The following RAB3C variants were observed in gnomAD, a reference collection of about 807,000 sequenced individuals.
The protein encoded by RAB3C is ras-related protein Rab-3C.
A neutral mutation model predicts 26.4 loss-of-function variants in RAB3C; 17 were observed. That is an observed-to-expected ratio of 0.64 (90% CI 0.44 to 0.97). The LOEUF (loss-of-function observed/expected upper bound fraction) is 0.97. RAB3C is among the 50% of genes least tolerant of loss of function. RAB3C has a pLI of 0.00. For missense variants in RAB3C, 242 were observed against 281.9 expected, an observed-to-expected ratio of 0.86 and a Z score of 1.01; for synonymous variants, 91 against 95.9, an observed-to-expected ratio of 0.95 and a Z score of 0.30.
In RAB3C at chr5:58,583,099, C is replaced by CTCCAACTTA. The variant is rs1182093453; in HGVS notation, c.-110_-109insTCCAACTTA. ...CAGTGCTGATGTTGGAGCCGGTTAG[C>CTCCAACTTA]GAACCCCAAGAGTGCAGAGTGTGGA... On this transcript the variant is annotated 5_prime_UTR_variant, in exon 1 of 5. Transcript: ENST00000282878. The CTCCAACTTA allele has an allele frequency of 1.3e-6, 2 of 1,573,876 alleles. No homozygotes were observed. The highest frequency in any genetic ancestry group is 3.8e-5 in the Admixed American group (2 of 53,084).
chr5:58,632,310 G>C (rs1353082660), intron 2 of RAB3C, among the ~76,000 whole-genome samples: 1 of 152,216 alleles, frequency 6.6e-6, no homozygotes, highest in Non-Finnish European at 1.5e-5. Context: ...TCAAAGTGTG[G>C]TCCCAGAGTC....
chr5:58,743,727 T>C (rs1741331228), intron 3 of RAB3C, among the ~76,000 whole-genome samples: 2 of 152,154 alleles, frequency 1.3e-5, no homozygotes, highest in African/African-American at 2.4e-5. Flanking sequence ...TCCATGTCCC[T>C]GCAAAGGACA....
intron 3 of RAB3C, among the ~76,000 whole-genome samples, chr5:58,745,697 G>A (rs980908517): frequency 1.3e-5 from 2 of 152,140 alleles, no homozygotes; most frequent in Admixed American, 6.6e-5. Context: ...CTGATCTCCT[G>A]GCCAGGATCA....
intron 3 of RAB3C, among the ~76,000 whole-genome samples, chr5:58,758,253 T>C (rs2111972536): frequency 6.6e-6 from 1 of 152,302 alleles, no homozygotes; most frequent in Admixed American, 6.5e-5. Context: ...CTTTATTTGT[T>C]TATTATTGAT....
chr5:58,833,224 A>G lies in RAB3C; in HGVS notation c.496+8062A>G, dbSNP rs867891886. On this transcript the variant is annotated intron_variant, in intron 4 of 4. Coordinates refer to ENST00000282878, the MANE Select transcript of RAB3C (RefSeq NM_138453.4). ...GAGATTCCAATAAGAAGCTGATGCTATTGGGTAAATTATGGCGAGGCCTAA... is the reference window on the plus strand; with the variant it reads ...GAGATTCCAATAAGAAGCTGATGCTGTTGGGTAAATTATGGCGAGGCCTAA... 9.9e-5 allele frequency among the ~76,000 whole-genome samples: 15 copies of G among 152,096 alleles called. 1 individual carries two copies. In the Middle Eastern group the frequency reaches 0.024, roughly 241 times the overall value.
intron 2 of RAB3C, among the ~76,000 whole-genome samples, chr5:58,691,369 G>A (rs1045339899): frequency 4.6e-5 from 7 of 152,118 alleles, no homozygotes; most frequent in Non-Finnish European, 8.8e-5. Context: ...CGTATAGATG[G>A]GGTGTCTTCT....
intron 3 of RAB3C, among the ~76,000 whole-genome samples, chr5:58,760,727 A>G (rs1170278179): frequency 1.3e-5 from 2 of 152,216 alleles, no homozygotes; most frequent in Non-Finnish European, 2.9e-5. Context: ...AGAGCCCATG[A>G]TGGTCAGATC....
intron 2 of RAB3C, among the ~76,000 whole-genome samples, chr5:58,648,254 T>C (rs1009306200): frequency 1.1e-4 from 17 of 152,218 alleles, no homozygotes; most frequent in Admixed American, 5.2e-4. Context: ...CTCAGCACAC[T>C]GCTTTTCTAG....
intron 2 of RAB3C, among the ~76,000 whole-genome samples, chr5:58,698,513 A>C (rs1485700450): frequency 6.6e-6 from 1 of 152,172 alleles, no homozygotes; most frequent in Non-Finnish European, 1.5e-5. Context: ...AATGCCCTGA[A>C]GTGTGTTTTC....
At chr5:58,840,046 AT>A (rs1256167955) in intron 4 of RAB3C, among the ~76,000 whole-genome samples, 8 of 151,730 alleles carry the variant, frequency 5.3e-5, no homozygotes, top group African/African-American at 1.9e-4. Context: ...GTCTGCTATG[AT>A]TTTATTAATT....
intron 3 of RAB3C, among the ~76,000 whole-genome samples, chr5:58,731,486 C>A (rs1307124685): frequency 6.6e-6 from 1 of 152,078 alleles, no homozygotes; most frequent in Non-Finnish European, 1.5e-5. Flanking sequence ...TTGTAGCTGT[C>A]ATTCCTTTGA....
intron 2 of RAB3C, among the ~76,000 whole-genome samples, chr5:58,661,518 G>T (rs1325361218): frequency 6.7e-6 from 1 of 149,110 alleles, no homozygotes; most frequent in East Asian, 1.9e-4. Context: ...TAATTTAAGG[G>T]TTAAAGACCC....
At chr5:58,659,323 GA>G (rs200128567) in intron 2 of RAB3C, among the ~76,000 whole-genome samples, 7 of 152,266 alleles carry the variant, frequency 4.6e-5, no homozygotes, top group East Asian at 3.9e-4. Flanking sequence ...TCTTCTGAAA[GA>G]GGTAATGCCT....
At chr5:58,842,500 A>G (rs1033248682) in intron 4 of RAB3C, among the ~76,000 whole-genome samples, 5 of 152,198 alleles carry the variant, frequency 3.3e-5, no homozygotes, top group Non-Finnish European at 7.4e-5. Context: ...CGTGTAAGCC[A>G]TTAGAATAGT....
chr5:58,723,864 G>A (rs1740826742), intron 2 of RAB3C, among the ~76,000 whole-genome samples: 1 of 151,790 alleles, frequency 6.6e-6, no homozygotes, highest in Non-Finnish European at 1.5e-5. Context: ...AAACTGCTAA[G>A]CATCTAAAGA....
At chr5:58,664,221 A>G (rs557256820) in intron 2 of RAB3C, among the ~76,000 whole-genome samples, 2 of 152,318 alleles carry the variant, frequency 1.3e-5, no homozygotes, top group African/African-American at 4.8e-5. Flanking sequence ...GAAACAACCT[A>G]GATTTCCTTC....
chr5:58,687,153 G>A (rs141570362), intron 2 of RAB3C, among the ~76,000 whole-genome samples: 44 of 152,128 alleles, frequency 2.9e-4, no homozygotes, highest in African/African-American at 1.0e-3. Context: ...CCATCTTCGT[G>A]AGTTGAAGCC....
At chr5:58,594,699 A>C (rs1746210893) in intron 1 of RAB3C, among the ~76,000 whole-genome samples, 2 of 152,084 alleles carry the variant, frequency 1.3e-5, no homozygotes, top group Non-Finnish European at 2.9e-5. Flanking sequence ...AGATATCAAG[A>C]TCTAGAACCA....
chr5:58,654,778 G>A (rs940101293), intron 2 of RAB3C, among the ~76,000 whole-genome samples: 2 of 152,024 alleles, frequency 1.3e-5, no homozygotes, highest in Non-Finnish European at 1.5e-5. Flanking sequence ...GCTTAAACAT[G>A]TTTGATAGTG....
Sources: gnomAD v4.1 joint callset for allele counts (sites outside exome capture counted in the v4.1 genomes callset) on GRCh38, gnomAD v4.1.1 for gene constraint, MANE v1.5 for transcripts, NCBI Gene and HGNC (gene_info 2026-07-23, HGNC 2026-07-21) for gene names.